STXBP4: variants seen among roughly 807,000 people sequenced by gnomAD.
STXBP4 encodes syntaxin binding protein 4, also known as syntaxin-binding protein 4.
In STXBP4, 55 loss-of-function variants were observed where a neutral mutation model predicts 76.1. The observed-to-expected ratio is 0.72, with a 90% CI of 0.58 to 0.91. STXBP4 has a LOEUF of 0.91. Among genes scored for constraint, STXBP4 ranks in the 40% least tolerant of loss-of-function variants. STXBP4 has a pLI of 0.00. For synonymous variants in STXBP4, 201 were observed against 220.2 expected, an observed-to-expected ratio of 0.91 and a Z score of 0.77; for missense variants, 618 against 636.9, an observed-to-expected ratio of 0.97 and a Z score of 0.32.
At chr17:55,098,691 T>G (rs906614268) in intron 16 of STXBP4, among the ~76,000 whole-genome samples, 3 of 152,210 alleles carry the variant, frequency 2.0e-5, no homozygotes, top group Non-Finnish European at 4.4e-5. Flanking sequence ...AGCCCTCAGT[T>G]TAATTGCCTA....
At chr17:55,077,033 C>T (rs1467053655) in intron 13 of STXBP4, among the ~76,000 whole-genome samples, 2 of 152,012 alleles carry the variant, frequency 1.3e-5, no homozygotes, top group South Asian at 4.1e-4. Context: ...GTGTATTATA[C>T]TTTCAATTCC....
At chr17:55,201,124 C>T in the STXBP4 span, among the ~76,000 whole-genome samples, 1 of 152,214 alleles carries the variant, frequency 6.6e-6, no homozygotes, top group Non-Finnish European at 1.5e-5. Context: ...ACAAGCTCCA[C>T]TGTTAACTCT....
intron 16 of STXBP4, among the ~76,000 whole-genome samples, chr17:55,129,079 G>A (rs577152784): frequency 2.6e-5 from 4 of 151,550 alleles, no homozygotes; most frequent in Non-Finnish European, 4.4e-5. Context: ...ACAGACACTC[G>A]CCACCACACC....
the STXBP4 span, among the ~76,000 whole-genome samples, chr17:55,184,302 T>C: frequency 6.6e-6 from 1 of 152,232 alleles, no homozygotes; most frequent in Non-Finnish European, 1.5e-5. Flanking sequence ...AAGAGAAATT[T>C]AATTTTTACT....
At chr17:55,052,671 G>C (rs895705036) in intron 12 of STXBP4, among the ~76,000 whole-genome samples, 3 of 152,056 alleles carry the variant, frequency 2.0e-5, no homozygotes, top group African/African-American at 7.2e-5. Flanking sequence ...CAGTTATACA[G>C]TGGAGAAATC....
At chr17:55,147,583 T>C (rs1183354470) in intron 17 of STXBP4, among the ~76,000 whole-genome samples, 2 of 152,248 alleles carry the variant, frequency 1.3e-5, no homozygotes, top group Non-Finnish European at 2.9e-5. Flanking sequence ...TTCATTTGGA[T>C]TGATATGCCT....
At chr17:54,994,800 A>G (rs2077774105) in intron 4 of STXBP4, among the ~76,000 whole-genome samples, 1 of 151,152 alleles carries the variant, frequency 6.6e-6, no homozygotes, top group Non-Finnish European at 1.5e-5. Flanking sequence ...GGAAGGGGCG[A>G]ATTTCTCTTT....
chr17:55,113,429 T>G (rs1036596768), intron 16 of STXBP4, among the ~76,000 whole-genome samples: 1 of 152,158 alleles, frequency 6.6e-6, no homozygotes, highest in South Asian at 2.1e-4. Context: ...ATACTGATCC[T>G]GTAACATATG....
chr17:55,035,526 CAA>C (rs1417963404), intron 10 of STXBP4, among the ~76,000 whole-genome samples: 1 of 151,378 alleles, frequency 6.6e-6, no homozygotes, highest in Non-Finnish European at 1.5e-5. Context: ...CATTTTGCTG[CAA>C]AAAAACTTTA....
intron 16 of STXBP4, among the ~76,000 whole-genome samples, chr17:55,128,427 T>C (rs1350820119): frequency 6.6e-6 from 1 of 152,038 alleles, no homozygotes; most frequent in South Asian, 2.1e-4. Flanking sequence ...CCAAATCAGA[T>C]TGAGAGGTGG....
At chr17:54,968,984 C>CA (rs1320679472) in intron 1 of STXBP4, among the ~76,000 whole-genome samples, 169 bp downstream of exon 1, 4 of 151,984 alleles carry the variant, frequency 2.6e-5, no homozygotes, top group Non-Finnish European at 1.5e-5. Context: ...CTCGACCCGG[C>CA]AGCCCCGGCG....
chr17:54,984,129 G>A (rs1303125669), intron 1 of STXBP4, among the ~76,000 whole-genome samples: 1 of 152,052 alleles, frequency 6.6e-6, no homozygotes, highest in Non-Finnish European at 1.5e-5. Context: ...TGAATACATT[G>A]CTATGTTAGG....
At chr17:55,100,556 G>C (rs2079551509) in intron 16 of STXBP4, among the ~76,000 whole-genome samples, 1 of 152,166 alleles carries the variant, frequency 6.6e-6, no homozygotes, top group Admixed American at 6.5e-5. Context: ...GGGAAGTTAA[G>C]GCCAGGATTA....
chr17:54,982,409 A>C (rs1171527267), intron 1 of STXBP4, among the ~76,000 whole-genome samples: 1 of 152,190 alleles, frequency 6.6e-6, no homozygotes, highest in Non-Finnish European at 1.5e-5. Context: ...GAATAGATTC[A>C]TCTTTAACAA....
chr17:55,097,470 T>C (rs896187714), intron 16 of STXBP4, among the ~76,000 whole-genome samples: 9 of 152,170 alleles, frequency 5.9e-5, no homozygotes, highest in African/African-American at 9.7e-5. Context: ...GAGACCATCC[T>C]GGCTAACACG....
intron 16 of STXBP4, among the ~76,000 whole-genome samples, chr17:55,099,657 A>G (rs2079539941): frequency 6.6e-6 from 1 of 152,226 alleles, no homozygotes; most frequent in East Asian, 1.9e-4. Flanking sequence ...ACTTGCATGT[A>G]CAAATAGATC....
At chr17:55,053,670 C>A (rs956529762) in intron 12 of STXBP4, among the ~76,000 whole-genome samples, 1 of 151,804 alleles carries the variant, frequency 6.6e-6, no homozygotes, top group Non-Finnish European at 1.5e-5. Flanking sequence ...ATTTTCGGAC[C>A]CTCATTTTAT....
chr17:55,193,870 G>A, the STXBP4 span, among the ~76,000 whole-genome samples: 3 of 150,362 alleles, frequency 2.0e-5, no homozygotes, highest in East Asian at 5.9e-4. Flanking sequence ...TCCATGACAG[G>A]CAAGGACTAG....
intron 15 of STXBP4, among the ~76,000 whole-genome samples, chr17:55,079,526 G>C (rs1312984314): frequency 1.3e-5 from 2 of 151,174 alleles, no homozygotes; most frequent in African/African-American, 4.9e-5. Context: ...GGGAGGCTGA[G>C]GCAGGGGGAT....
Sources: gnomAD v4.1 joint callset for allele counts (sites outside exome capture counted in the v4.1 genomes callset) on GRCh38, gnomAD v4.1.1 for gene constraint, MANE v1.5 for transcripts, NCBI Gene and HGNC (gene_info 2026-07-23, HGNC 2026-07-21) for gene names.